Variants in CBFA2T3 observed in about 807,000 individuals in gnomAD.
CBFA2T3 encodes transcriptional corepressor CBFA2T3.
A neutral mutation model predicts 58.6 loss-of-function variants in CBFA2T3; 31 were observed. The observed-to-expected ratio is 0.53, with a 90% CI of 0.40 to 0.71. CBFA2T3 has a LOEUF of 0.71. CBFA2T3 is among the 30% of genes least tolerant of loss of function. The pLI is 0.00. For missense variants in CBFA2T3, 1,076 were observed against 963.1 expected, an observed-to-expected ratio of 1.12 and a Z score of -1.55; for synonymous variants, 531 against 421.9, an observed-to-expected ratio of 1.26 and a Z score of -3.17.
chr16:88,892,730 A>C (rs1969694807), intron 3 of CBFA2T3, among the ~76,000 whole-genome samples: 1 of 151,854 alleles, frequency 6.6e-6, no homozygotes, highest in Admixed American at 6.6e-5. Flanking sequence ...GGTCACACAC[A>C]CCCCCTTACA....
chr16:88,916,578 A>G (rs1439455242), intron 1 of CBFA2T3, among the ~76,000 whole-genome samples: 5 of 128,432 alleles, frequency 3.9e-5, no homozygotes, highest in African/African-American at 1.5e-4. Flanking sequence ...GCCTGAGTGA[A>G]AGGTGGTCTG....
chr16:88,894,837 C>T (rs922849958), intron 3 of CBFA2T3, among the ~76,000 whole-genome samples: 6 of 152,220 alleles, frequency 3.9e-5, no homozygotes, highest in African/African-American at 7.2e-5. Context: ...CTGTGTGCGC[C>T]GAGGAGGAGG....
intron 1 of CBFA2T3, among the ~76,000 whole-genome samples, chr16:88,936,551 G>A (rs1480954238): frequency 6.6e-6 from 1 of 152,170 alleles, no homozygotes; most frequent in Non-Finnish European, 1.5e-5. Flanking sequence ...AGCCGAGGAG[G>A]CTCTGAGCTG....
chr16:88,881,671 G>A (rs886168375), intron 8 of CBFA2T3, 182 bp from the exon 9 acceptor site: 3 of 597,086 alleles, frequency 5.0e-6, no homozygotes, highest in African/African-American at 3.8e-5. Context: ...CCTAGCCTGG[G>A]ACTGCCGAGC....
chr16:88,950,489 C>G (rs59121772), intron 1 of CBFA2T3: 7 of 394,998 alleles, frequency 1.8e-5, no homozygotes, highest in East Asian at 8.1e-5. Flanking sequence ...ACCGGCACCG[C>G]CACAGAGGGT....
At chr16:88,914,066 G>A (rs1374924157) in intron 1 of CBFA2T3, among the ~76,000 whole-genome samples, 2 of 152,206 alleles carry the variant, frequency 1.3e-5, no homozygotes, top group East Asian at 3.8e-4. Context: ...CCATACAATG[G>A]AATACAATAC....
At chr16:88,975,115 A>G (rs1238938941) in intron 1 of CBFA2T3, among the ~76,000 whole-genome samples, 4 of 108,172 alleles carry the variant, frequency 3.7e-5, no homozygotes, top group Non-Finnish European at 6.1e-5. Context: ...GTTAGAGGCC[A>G]CCCTGGCCCT....
At position 88,953,416 on chromosome 16, in the gene CBFA2T3, C is replaced by T. The variant is rs988966218; in HGVS notation, c.151+23241G>A. ...GTGAGCTGGCCCTGCCCTGGAGACA[C>T]TGTGTCCAGAGGCCAGCATAGCCCT... On this transcript the variant is annotated intron_variant, in intron 1 of 11. Coordinates refer to ENST00000268679, the MANE Select transcript of CBFA2T3 (RefSeq NM_005187.6). The surrounding 1 kb of genome is among the most constrained non-coding windows in gnomAD (Gnocchi z 4.9). Among the ~76,000 whole-genome samples the T allele has an allele frequency of 3.6e-5, 5 of 139,780 alleles. No individual in the cohort carries two copies. The highest frequency in any genetic ancestry group is 2.1e-4 in the South Asian group (1 of 4,734). 91.7% of individuals were successfully genotyped at this position (139,780 alleles called of 152,430 possible). A position where few individuals can be genotyped will look rare whatever the true frequency, so the allele number is the denominator to read the frequency against.
intron 1 of CBFA2T3, among the ~76,000 whole-genome samples, chr16:88,914,734 G>A (rs534567465): frequency 1.6e-3 from 240 of 152,320 alleles, no homozygotes; most frequent in Non-Finnish European, 8.8e-4. Context: ...GCACCCTGCC[G>A]GTTGAGCAAA....
intron 1 of CBFA2T3, among the ~76,000 whole-genome samples, chr16:88,932,114 G>C (rs1971328820): frequency 6.6e-6 from 1 of 152,114 alleles, no homozygotes; most frequent in South Asian, 2.1e-4. Flanking sequence ...CCGACGCAGT[G>C]ACCTTGGGGC....
intron 1 of CBFA2T3, among the ~76,000 whole-genome samples, chr16:88,957,149 T>C (rs1972239352): frequency 6.6e-6 from 1 of 152,100 alleles, no homozygotes; most frequent in South Asian, 2.1e-4. Flanking sequence ...AGCAGAACCA[T>C]CATCACACGA....
At chr16:88,900,941 G>A (rs1970071944) in intron 2 of CBFA2T3, among the ~76,000 whole-genome samples, 1 of 152,234 alleles carries the variant, frequency 6.6e-6, no homozygotes, top group Non-Finnish European at 1.5e-5. Context: ...CCACCCTTCC[G>A]GCCTCCTGTG....
chr16:88,886,232 G>A (rs1275029501), intron 5 of CBFA2T3, 90 bp from the exon 6 acceptor site: 13 of 983,808 alleles, frequency 1.3e-5, no homozygotes, highest in Middle Eastern at 3.5e-4. Flanking sequence ...CTGGGTGGCC[G>A]AAAGCTCAAC....
chr16:88,934,683 C>T (rs529695392), intron 1 of CBFA2T3, among the ~76,000 whole-genome samples: 26 of 152,254 alleles, frequency 1.7e-4, no homozygotes, highest in Non-Finnish European at 2.8e-4. Flanking sequence ...AGAGATGCCA[C>T]GAAAGAGGCA....
At chr16:88,936,595 G>A (rs1432843021) in intron 1 of CBFA2T3, among the ~76,000 whole-genome samples, 2 of 152,224 alleles carry the variant, frequency 1.3e-5, no homozygotes, top group African/African-American at 4.8e-5. Context: ...GGCCCTGGGT[G>A]GCTAAGCGGG....
chr16:88,919,486 A>G, intron 1 of CBFA2T3, among the ~76,000 whole-genome samples: 1 of 152,204 alleles, frequency 6.6e-6, no homozygotes, highest in East Asian at 1.9e-4. Context: ...CATTCCTAAC[A>G]TCAGCGTGGC....
intron 1 of CBFA2T3, among the ~76,000 whole-genome samples, chr16:88,954,282 C>G (rs1450521675): frequency 6.6e-6 from 1 of 152,192 alleles, no homozygotes; most frequent in African/African-American, 2.4e-5. Flanking sequence ...TCCCCTACAG[C>G]CCTGCCCAAG....
At chr16:88,908,673 A>G (rs1304628712) in intron 1 of CBFA2T3, among the ~76,000 whole-genome samples, 1 of 152,182 alleles carries the variant, frequency 6.6e-6, no homozygotes, top group African/African-American at 2.4e-5. Context: ...CCAGTGCAAG[A>G]GCTCATCTTT....
intron 2 of CBFA2T3, among the ~76,000 whole-genome samples, chr16:88,900,933 A>G (rs958347173): frequency 1.3e-5 from 2 of 152,032 alleles, no homozygotes; most frequent in African/African-American, 4.8e-5. Flanking sequence ...TTGAGGTCCC[A>G]CCCTTCCGGC....
Sources: allele counts gnomAD v4.1 joint callset (sites outside exome capture counted in the v4.1 genomes callset), GRCh38; gene constraint gnomAD v4.1.1; non-coding constraint Gnocchi (gnomAD v3.1); transcripts MANE v1.5; gene names NCBI Gene and HGNC (gene_info 2026-07-23, HGNC 2026-07-21).